The following PKHD1L1 variants were observed in gnomAD, a reference collection of about 807,000 sequenced individuals.
PKHD1L1 encodes PKHD1 like 1.
PKHD1L1 carries 434 observed loss-of-function variants against 462.9 expected under a neutral mutation model. The ratio of observed to expected loss-of-function variants is 0.94; its 90% confidence interval spans 0.87 to 1.02. The LOEUF (loss-of-function observed/expected upper bound fraction) is 1.02. PKHD1L1 is among the 50% of genes least tolerant of loss of function. The probability of loss-of-function intolerance (pLI) is 0.00; values close to 1 mark genes in which losing one functional copy is unlikely to be tolerated. For missense variants in PKHD1L1, 5,202 were observed against 5,096.1 expected, an observed-to-expected ratio of 1.02 and a Z score of -0.63; for synonymous variants, 1,781 against 1,750.0, an observed-to-expected ratio of 1.02 and a Z score of -0.44.
In PKHD1L1 at chr8:109,442,131, C is replaced by T. The variant is rs1207864778; in HGVS notation, c.4329C>T (p.Ser1443=). The change falls in exon 35 of 78, where the codon TCC becomes TCT. Residue 1443 remains serine (S), a synonymous_variant. Coordinates refer to ENST00000378402, the MANE Select transcript of PKHD1L1 (RefSeq NM_177531.6). ...TAGGATATAGGATTTTTTCTGTCTC[C>T]AGTCCTGGAAGTGTAATTTATGATG... ...RGIGYRIFSV[S]SPGSVIYDGK... is the part of the protein sequence containing the mutation. 1 of 1,613,350 alleles carries T rather than the reference C, an allele frequency of 6.2e-7. No homozygotes were observed.
rs1274617757 is a variant in PKHD1L1, at chr8:109,464,374, G to A, written c.7542G>A (p.Glu2514=). Residue 2514 remains glutamate, a synonymous_variant, in exon 49 of 78, where the codon GAG becomes GAA. Transcript: ENST00000378402. ...ATAACACACACCATCTTCTGGTTGA[G>A]AGGAATATTATATATGATATTAAGG... ...TIHNTHHLLV[E]RNIIYDIKGG... is the part of the protein sequence containing the mutation. 6.2e-7 allele frequency: 1 copy of A among 1,613,338 alleles called. No individual in the cohort carries two copies. Among genetic ancestry groups the A allele is most frequent in the Admixed American group, 1.7e-5 (1 of 59,930 alleles).
At chr8:109,452,039 T>A in intron 41 of PKHD1L1, 85 bp from the exon 42 acceptor site, 1 of 1,244,142 alleles carries the variant, frequency 8.0e-7, no homozygotes, top group Non-Finnish European at 1.1e-6. Context: ...TTTTTTGCAA[T>A]AATACATAGG....
At chr8:109,478,528 G>T (rs934154946) in intron 53 of PKHD1L1, among the ~76,000 whole-genome samples, 1 of 152,046 alleles carries the variant, frequency 6.6e-6, no homozygotes, top group African/African-American at 2.4e-5. Flanking sequence ...TCAGGGAGGG[G>T]TTATTCCAAC....
At chr8:109,464,093 TG>T in intron 48 of PKHD1L1, 122 bp from the exon 49 acceptor site, 3 of 653,972 alleles carry the variant, frequency 4.6e-6, no homozygotes, top group Non-Finnish European at 6.2e-6. Context: ...ATAATAAACA[TG>T]AAAAATTTGG....
At chr8:109,388,997 A>C in intron 7 of PKHD1L1, 82 bp from the exon 8 acceptor site, 1 of 919,040 alleles carries the variant, frequency 1.1e-6, no homozygotes, top group African/African-American at 1.7e-5. Context: ...TTCTGAAATT[A>C]ATGAGTAGTT....
At chr8:109,513,080 C>T (rs1820080316) in intron 71 of PKHD1L1, among the ~76,000 whole-genome samples, 1 of 151,336 alleles carries the variant, frequency 6.6e-6, no homozygotes, top group South Asian at 2.1e-4. Context: ...TGCTTATCAG[C>T]TTAAGGAGAT....
At chr8:109,383,748 A>G (rs937418263) in intron 4 of PKHD1L1, among the ~76,000 whole-genome samples, 4 of 151,748 alleles carry the variant, frequency 2.6e-5, no homozygotes, top group Non-Finnish European at 5.9e-5. Context: ...ACCTAAATTG[A>G]GCATCAAACT....
At chr8:109,499,538 A>G (rs1819296044) in intron 67 of PKHD1L1, among the ~76,000 whole-genome samples, 1 of 152,224 alleles carries the variant, frequency 6.6e-6, no homozygotes, top group Admixed American at 6.5e-5. Context: ...TTGAACATAT[A>G]TGGCTTTTAA....
intron 71 of PKHD1L1, among the ~76,000 whole-genome samples, chr8:109,512,881 G>T (rs866165488): frequency 6.6e-6 from 1 of 151,280 alleles, no homozygotes; most frequent in Non-Finnish European, 1.5e-5. Flanking sequence ...TTGAGCAGTG[G>T]TTTGTAGTTC....
rs879736926 is a variant in PKHD1L1, at chr8:109,434,984, A to C, written c.3341-206A>C. ...TTCACTATTGGTTTACCTATTTTCT[A>C]GGAGTGTCTGATTCATAGCCTCAGG... On this transcript the variant is annotated intron_variant, in intron 28 of 77. Transcript: ENST00000378402. Among the ~76,000 whole-genome samples the C allele has an allele frequency of 6.6e-5, 10 of 152,072 alleles. 1 individual carries two copies. Among genetic ancestry groups the C allele is most frequent in the Admixed American group, 6.6e-4 (10 of 15,250 alleles).
In PKHD1L1 at chr8:109,448,144, T is replaced by A; in HGVS notation, c.5778T>A (p.Gly1926=). The A allele has an allele frequency of 6.3e-7, 1 of 1,595,348 alleles. No homozygotes were observed. The highest frequency in any genetic ancestry group is 8.5e-7 in the Non-Finnish European group (1 of 1,170,400). ...TTGTGTGCTTTTTTTTTTTTTAAGG[T>A]CCACCAGGAACTGAAATTGAGATCA... The part of the protein sequence containing the change: ...PFLRGIIPSR[G]PPGTEIEITG... The change falls in exon 39 of 78, where the codon GGT becomes GGA. Residue 1926 remains glycine (G), a splice_region_variant and synonymous_variant. Coordinates refer to ENST00000378402, the MANE Select transcript of PKHD1L1 (RefSeq NM_177531.6).
chr8:109,514,393 G>T (rs1343089827), intron 71 of PKHD1L1, among the ~76,000 whole-genome samples: 2 of 151,956 alleles, frequency 1.3e-5, no homozygotes, highest in African/African-American at 4.8e-5. Flanking sequence ...CATCACTCTT[G>T]AATATAAGCT....
chr8:109,390,620 C>G, intron 9 of PKHD1L1, 126 bp downstream of exon 9: 1 of 467,862 alleles, frequency 2.1e-6, no homozygotes. Flanking sequence ...CCCCAATTAA[C>G]AGTTAAAGAG....
Position 109,473,416 on chromosome 8 carries a change from T to G in PKHD1L1, c.8606-1702T>G, listed in dbSNP as rs367628914. On this transcript the variant is annotated intron_variant, in intron 50 of 77. Coordinates refer to ENST00000378402, the MANE Select transcript of PKHD1L1 (RefSeq NM_177531.6). ...CTGTAATCCCAGCTACTTGGGAGGT[T>G]GAGGCAGGAGAATTGCTTGAATCCA... is the stretch of plus-strand genomic sequence containing the variant. 1.4e-4 allele frequency among the ~76,000 whole-genome samples: 21 copies of G among 151,784 alleles called. No homozygotes were observed. In the East Asian group the frequency reaches 3.1e-3, roughly 22 times the overall value.
chr8:109,478,283 C>T (rs1240424726), intron 53 of PKHD1L1, among the ~76,000 whole-genome samples: 1 of 152,114 alleles, frequency 6.6e-6, no homozygotes, highest in Non-Finnish European at 1.5e-5. Context: ...TGAGTATCCA[C>T]TATGTGCCAG....
intron 23 of PKHD1L1, among the ~76,000 whole-genome samples, chr8:109,421,139 T>C (rs1213336049): frequency 6.6e-6 from 1 of 151,884 alleles, no homozygotes; most frequent in African/African-American, 2.4e-5. Flanking sequence ...CAATTTTTTG[T>C]ACATTTGTAA....
In PKHD1L1 at chr8:109,400,145, A is replaced by G; in HGVS notation, c.1082A>G (p.Tyr361Cys). 1 of 1,613,728 alleles carries G rather than the reference A, an allele frequency of 6.2e-7. No homozygotes were observed. Residue 361 changes from tyrosine to cysteine, a missense_variant, in exon 13 of 78, where the codon TAC becomes TGC. Physicochemically the swap from Tyr to Cys is radical, Grantham distance 194 (BLOSUM62 -2). Transcript: ENST00000378402. ...RPIRLEEILE[Y>C]NEKTPGYMGA... ...ATACGTTTGGAAGAGATACTGGAAT[A>G]CAATGAAAAAACGCCTGGGTACATG...
At position 109,500,673 on chromosome 8, in the gene PKHD1L1, C is replaced by CAAAAAAAAA. The variant is rs34827783; in HGVS notation, c.10828+1920_10828+1928dup. ...TGGGCAACAGAGTAAAACTCTGTCTCAAAAAAAAAAAAAAAAAAAAAAAAA... is the reference window on the plus strand; with the variant it reads ...TGGGCAACAGAGTAAAACTCTGTCTCAAAAAAAAAAAAAAAAAAAAAAAAAAAAAAAAAA... On this transcript the variant is annotated intron_variant, in intron 67 of 77. Transcript: ENST00000378402. Among the ~76,000 whole-genome samples the CAAAAAAAAA allele has an allele frequency of 2.1e-3, 100 of 47,194 alleles. 1 individual carries two copies. Among genetic ancestry groups the CAAAAAAAAA allele is most frequent in the African/African-American group, 8.0e-3 (99 of 12,430 alleles). The allele number at this position is 47,194 out of a possible 152,430, so 31.0% of individuals were successfully genotyped here. A position where few individuals can be genotyped will look rare whatever the true frequency, so the allele number is the denominator to read the frequency against.
At position 109,399,071 on chromosome 8, in the gene PKHD1L1, C is replaced by G. The variant is rs540863435; in HGVS notation, c.1012+523C>G. Among the ~76,000 whole-genome samples, 5 of 152,038 alleles carry G rather than the reference C, an allele frequency of 3.3e-5. No homozygotes were observed. The South Asian group carries it at 1.0e-3, about 32-fold the overall frequency. ...CATTGAAATGCTGTACATGTGTCTG[C>G]GTGTGGTGTGTATCTCATATCTTGT... On this transcript the variant is annotated intron_variant, in intron 12 of 77. Coordinates refer to ENST00000378402, the MANE Select transcript of PKHD1L1 (RefSeq NM_177531.6).
Sources: gnomAD v4.1 joint callset for allele counts (sites outside exome capture counted in the v4.1 genomes callset) on GRCh38, gnomAD v4.1.1 for gene constraint, MANE v1.5 for transcripts, NCBI Gene and HGNC (gene_info 2026-07-23, HGNC 2026-07-21) for gene names.